CFH: variants seen among roughly 807,000 people sequenced by gnomAD.
CFH encodes H factor 1 (complement).
A neutral mutation model predicts 147.3 loss-of-function variants in CFH; 53 were observed. The ratio of observed to expected loss-of-function variants is 0.36; its 90% CI spans 0.29 to 0.45. CFH has a LOEUF of 0.45. CFH is among the 20% of genes least tolerant of loss of function. CFH has a pLI of 1.00. For synonymous variants in CFH, 536 were observed against 489.4 expected, an observed-to-expected ratio of 1.10 and a Z score of -1.26; for missense variants, 1,380 against 1,498.0, an observed-to-expected ratio of 0.92 and a Z score of 1.30.
intron 9 of CFH, among the ~76,000 whole-genome samples, chr1:196,710,377 AC>A (rs1558171556): frequency 6.6e-6 from 1 of 152,178 alleles, no homozygotes; most frequent in African/African-American, 2.4e-5. Flanking sequence ...TAGTCTTATA[AC>A]AAAATAGAAT....
At chr1:196,704,188 G>A (rs1668530543) in intron 9 of CFH, among the ~76,000 whole-genome samples, 1 of 151,840 alleles carries the variant, frequency 6.6e-6, no homozygotes, top group Non-Finnish European at 1.5e-5. Flanking sequence ...TCCACCTCAC[G>A]AGCTAAAGCA....
At chr1:196,712,954 T>G (rs1254006861) in intron 9 of CFH, among the ~76,000 whole-genome samples, 1 of 152,002 alleles carries the variant, frequency 6.6e-6, no homozygotes, top group Non-Finnish European at 1.5e-5. Context: ...ACTCCTCATT[T>G]TTTATGGCTG....
At chr1:196,682,481 T>A (rs2149083774) in intron 6 of CFH, among the ~76,000 whole-genome samples, 1 of 151,796 alleles carries the variant, frequency 6.6e-6, no homozygotes. Context: ...CTTTCTATTC[T>A]TAATTAACAA....
intron 9 of CFH, chr1:196,692,297 C>A: frequency 3.1e-6 from 1 of 327,832 alleles, no homozygotes; most frequent in Non-Finnish European, 4.4e-6. Context: ...TCACCCAAAT[C>A]TTTTTGCTTC....
chr1:196,732,905 G>A (rs568602826), intron 15 of CFH, among the ~76,000 whole-genome samples: 1 of 152,030 alleles, frequency 6.6e-6, no homozygotes, highest in Non-Finnish European at 1.5e-5. Context: ...GCTAATACCT[G>A]TACTAATATT....
intron 11 of CFH, among the ~76,000 whole-genome samples, chr1:196,719,237 T>C (rs1447455641): frequency 6.6e-6 from 1 of 152,066 alleles, no homozygotes; most frequent in Non-Finnish European, 1.5e-5. Context: ...AAATACAGCA[T>C]TTGAATAATA....
intron 9 of CFH, among the ~76,000 whole-genome samples, chr1:196,691,456 C>T (rs1668021450): frequency 3.3e-5 from 5 of 151,890 alleles, no homozygotes; most frequent in Admixed American, 3.3e-4. Context: ...TTAATATTTA[C>T]AAATTGAATG....
At chr1:196,665,559 A>C (rs2149072582) in intron 1 of CFH, among the ~76,000 whole-genome samples, 1 of 152,048 alleles carries the variant, frequency 6.6e-6, no homozygotes, top group South Asian at 2.1e-4. Flanking sequence ...TAAAGTAAGG[A>C]TTCAAATTTA....
chr1:196,674,678 A>G (rs1667395253), intron 3 of CFH, among the ~76,000 whole-genome samples: 1 of 152,216 alleles, frequency 6.6e-6, no homozygotes, highest in Non-Finnish European at 1.5e-5. Context: ...CAAATGGAAT[A>G]ACATTATTAT....
At chr1:196,659,173 C>T (rs1666823149) in intron 1 of CFH, among the ~76,000 whole-genome samples, 1 of 152,168 alleles carries the variant, frequency 6.6e-6, no homozygotes. Flanking sequence ...GAGAGTTTGA[C>T]TACTTGGGCC....
At position 196,673,018 on chromosome 1, in the gene CFH, G is replaced by A. The variant is rs1198670538; in HGVS notation, c.99G>A (p.Leu33=). 1 of 1,613,992 alleles carries A rather than the reference G, an allele frequency of 6.2e-7. No individual in the cohort carries two copies. The highest frequency in any genetic ancestry group is 1.1e-5 in the South Asian group (1 of 91,040). ...ELPPRRNTEI[L]TGSWSDQTYP... The stretch of plus-strand genomic sequence containing the variant: ...CTCCAAGAAGAAATACAGAAATTCT[G>A]ACAGGTTCCTGGTCTGACCAAACAT... Residue 33 remains leucine, a synonymous_variant, in exon 2 of 22, where the codon CTG becomes CTA. Transcript: ENST00000367429.
At chr1:196,695,049 T>C (rs949477114) in intron 9 of CFH, among the ~76,000 whole-genome samples, 1 of 152,236 alleles carries the variant, frequency 6.6e-6, no homozygotes, top group Non-Finnish European at 1.5e-5. Flanking sequence ...TTGCCATTGC[T>C]TTTGGTGTTT....
intron 11 of CFH, among the ~76,000 whole-genome samples, chr1:196,716,643 T>C (rs1317371967): frequency 6.6e-6 from 1 of 151,936 alleles, no homozygotes; most frequent in Admixed American, 6.6e-5. Flanking sequence ...GAAGGCTGAT[T>C]TGGAAAACAT....
chr1:196,692,901 CCCTT>C (rs71131720), intron 9 of CFH, among the ~76,000 whole-genome samples: 2,027 of 70,626 alleles, frequency 0.029, 125 homozygotes, highest in African/African-American at 0.043. Context: ...CTCCCTCCCT[CCCTT>C]CCTTCCTTCC....
intron 19 of CFH, among the ~76,000 whole-genome samples, chr1:196,742,702 A>G (rs1175169952): frequency 6.6e-6 from 1 of 152,128 alleles, no homozygotes; most frequent in Non-Finnish European, 1.5e-5. Flanking sequence ...AAACCCTGAA[A>G]CTGTTTTACC....
intron 17 of CFH, among the ~76,000 whole-genome samples, chr1:196,738,470 G>A (rs750608309): frequency 1.8e-4 from 28 of 152,226 alleles, no homozygotes; most frequent in Non-Finnish European, 3.8e-4. Flanking sequence ...TGGGGGTACA[G>A]GGATTGGGTA....
chr1:196,742,169 G>T, intron 19 of CFH, 118 bp downstream of exon 19: 1 of 877,196 alleles, frequency 1.1e-6, no homozygotes. Context: ...GAGGTCAGGA[G>T]TTCGAGACCA....
chr1:196,738,242 A>T (rs1652657339), intron 17 of CFH, among the ~76,000 whole-genome samples: 1 of 152,202 alleles, frequency 6.6e-6, no homozygotes, highest in African/African-American at 2.4e-5. Flanking sequence ...ATTTGGTTGG[A>T]GATACAGTCA....
chr1:196,667,101 A>G (rs986143806), intron 1 of CFH, among the ~76,000 whole-genome samples: 4 of 152,172 alleles, frequency 2.6e-5, no homozygotes, highest in Admixed American at 2.6e-4. Flanking sequence ...TCAAACTATG[A>G]TGGTGGATTG....
Sources: allele counts gnomAD v4.1 joint callset (sites outside exome capture counted in the v4.1 genomes callset), GRCh38; gene constraint gnomAD v4.1.1; transcripts MANE v1.5; gene names NCBI Gene and HGNC (gene_info 2026-07-23, HGNC 2026-07-21).